TBL1X: variants seen among roughly 807,000 people sequenced by gnomAD.
The protein encoded by TBL1X is F-box-like/WD repeat-containing protein TBL1X.
In TBL1X, 10 loss-of-function variants were observed where a neutral mutation model predicts 50.7. That is an observed-to-expected ratio of 0.20 (90% confidence interval 0.12 to 0.33). The LOEUF (loss-of-function observed/expected upper bound fraction) is 0.33, where lower values mean the gene tolerates loss of function less well. Among genes scored for constraint, TBL1X ranks in the 10% least tolerant of loss-of-function variants. The pLI is 1.00. For missense variants in TBL1X, 340 were observed against 504.4 expected, an observed-to-expected ratio of 0.67 and a Z score of 3.12; for synonymous variants, 190 against 214.7, an observed-to-expected ratio of 0.88 and a Z score of 1.01.
At chrX:9,628,864 C>T (rs181927279) in intron 2 of TBL1X, among the ~76,000 whole-genome samples, 10 of 112,076 alleles carry the variant, frequency 8.9e-5, no homozygotes, top group Admixed American at 8.5e-4. Context: ...GATGTTTTTA[C>T]GAGGCGTTTT....
At chrX:9,643,494 T>C (rs1439800261) in intron 3 of TBL1X, among the ~76,000 whole-genome samples, 1 of 111,748 alleles carries the variant, frequency 8.9e-6, no homozygotes, top group Non-Finnish European at 1.9e-5. Flanking sequence ...TTTGGGTTCA[T>C]GATGCTTTTA....
chrX:9,503,786 G>C (rs2082013016), intron 2 of TBL1X, among the ~76,000 whole-genome samples: 1 of 112,681 alleles, frequency 8.9e-6, no homozygotes, highest in African/African-American at 3.2e-5. Flanking sequence ...ACAGAATTTG[G>C]ATCTCCTGGG....
At chrX:9,620,883 G>C (rs1384693858) in intron 2 of TBL1X, among the ~76,000 whole-genome samples, 1 of 112,173 alleles carries the variant, frequency 8.9e-6, no homozygotes, top group Non-Finnish European at 1.9e-5. Context: ...CAGGCAGGGA[G>C]ATAACCTCAC....
intron 2 of TBL1X, among the ~76,000 whole-genome samples, chrX:9,544,687 C>T (rs1485724260): frequency 3.6e-5 from 4 of 110,357 alleles, no homozygotes; most frequent in Admixed American, 2.9e-4. Context: ...CTCTGCCTCC[C>T]GAGTAGCTGG....
intron 2 of TBL1X, among the ~76,000 whole-genome samples, chrX:9,602,752 A>G (rs1343595424): frequency 8.9e-6 from 1 of 112,293 alleles, no homozygotes; most frequent in African/African-American, 3.2e-5. Context: ...TTGAATTTTA[A>G]CTCTTATGAG....
intron 2 of TBL1X, among the ~76,000 whole-genome samples, chrX:9,531,421 G>A (rs1415754402): frequency 9.6e-6 from 1 of 104,500 alleles, no homozygotes; most frequent in Admixed American, 1.0e-4. Flanking sequence ...GTTGGTGGTG[G>A]GGTTTTTTTG....
chrX:9,706,932 G>C (rs1361112782), intron 13 of TBL1X, among the ~76,000 whole-genome samples: 1 of 111,528 alleles, frequency 9.0e-6, no homozygotes, highest in Non-Finnish European at 1.9e-5. Flanking sequence ...TCCTCTGCAC[G>C]CCCTGGGGAG....
intron 10 of TBL1X, 49 bp from the exon 11 acceptor site, chrX:9,693,273 A>C: frequency 8.3e-7 from 1 of 1,209,521 alleles, no homozygotes. Context: ...TTAACCCTTG[A>C]GTGAACAGAC....
In TBL1X at chrX:9,663,294, A is replaced by G. The variant is rs144877351; in HGVS notation, c.211+8972A>G. Among the ~76,000 whole-genome samples the G allele has an allele frequency of 5.6e-3, 624 of 112,041 alleles. 1 individual carries two copies. Among genetic ancestry groups the G allele is most frequent in the Non-Finnish European group, 8.7e-3 (465 of 53,253 alleles). Reference sequence around the variant, plus strand: ...AAACAGTGGCTTATTTATAATAGCAATATTCTGGACATATGGCCAGTGTCC... The same window carrying G: ...AAACAGTGGCTTATTTATAATAGCAGTATTCTGGACATATGGCCAGTGTCC... On this transcript the variant is annotated intron_variant, in intron 5 of 17. Coordinates refer to ENST00000645353, the MANE Select transcript of TBL1X (RefSeq NM_005647.4).
intron 2 of TBL1X, among the ~76,000 whole-genome samples, chrX:9,541,254 G>A (rs1315830896): frequency 9.0e-6 from 1 of 110,884 alleles, no homozygotes; most frequent in Non-Finnish European, 1.9e-5. Context: ...GGGAAAGCCA[G>A]TATGTTGGGC....
intron 2 of TBL1X, among the ~76,000 whole-genome samples, chrX:9,544,648 C>A (rs1005482725): frequency 2.7e-5 from 3 of 111,654 alleles, no homozygotes; most frequent in Non-Finnish European, 3.8e-5. Context: ...CTGCAACCTA[C>A]GCCTCCCGAG....
chrX:9,541,868 C>T (rs1262784725), intron 2 of TBL1X, among the ~76,000 whole-genome samples: 2 of 111,122 alleles, frequency 1.8e-5, no homozygotes, highest in Non-Finnish European at 3.8e-5. Context: ...TGACAACGAT[C>T]ACAAACTTCA....
chrX:9,703,595 G>A (rs1335648664), intron 12 of TBL1X, among the ~76,000 whole-genome samples: 1 of 111,775 alleles, frequency 8.9e-6, no homozygotes, highest in Non-Finnish European at 1.9e-5. Flanking sequence ...TCTGCTAGAG[G>A]ACAGGAGTGA....
intron 2 of TBL1X, among the ~76,000 whole-genome samples, chrX:9,583,000 A>C (rs962354597): frequency 1.8e-5 from 2 of 112,612 alleles, no homozygotes; most frequent in African/African-American, 3.2e-5. Context: ...TTGTATCCCT[A>C]ATATAGAAGG....
At chrX:9,516,274 G>A (rs2082080437) in intron 2 of TBL1X, among the ~76,000 whole-genome samples, 1 of 111,752 alleles carries the variant, frequency 8.9e-6, no homozygotes, top group Admixed American at 9.5e-5. Context: ...CATCTCTTTT[G>A]TATTTTTCTC....
intron 1 of TBL1X, among the ~76,000 whole-genome samples, chrX:9,488,760 C>T (rs1455958256): frequency 9.0e-6 from 1 of 110,808 alleles, no homozygotes; most frequent in Non-Finnish European, 1.9e-5. Flanking sequence ...GCTTATGTAA[C>T]GTTTGTGTTT....
rs913113403 is a variant in TBL1X, at chrX:9,570,620, G to T, written c.-131+68771G>T. On this transcript the variant is annotated intron_variant, in intron 2 of 17. Transcript: ENST00000645353. ...TCTTATCCCAAATCAAAGAATGTTGGTTTTTTTAGTGTTTCCTTTATAAAC... is the reference window on the plus strand; with the variant it reads ...TCTTATCCCAAATCAAAGAATGTTGTTTTTTTTAGTGTTTCCTTTATAAAC... Among the ~76,000 whole-genome samples, 7 of 106,909 alleles carry T rather than the reference G, an allele frequency of 6.5e-5. No homozygotes were observed. The East Asian group carries it at 1.8e-3, about 27-fold the overall frequency. 92.8% of individuals were successfully genotyped at this position (106,909 alleles called of 115,157 possible).
chrX:9,652,896 G>A (rs756497611), intron 3 of TBL1X, among the ~76,000 whole-genome samples: 2 of 111,377 alleles, frequency 1.8e-5, no homozygotes, highest in Admixed American at 1.9e-4. Context: ...GCCAGGTGTG[G>A]TGGCTCACGC....
At chrX:9,532,655 G>A (rs1391985275) in intron 2 of TBL1X, among the ~76,000 whole-genome samples, 2 of 111,162 alleles carry the variant, frequency 1.8e-5, no homozygotes, top group Non-Finnish European at 3.8e-5. Flanking sequence ...GTCCCAGATC[G>A]AGGGGTCAGC....
Sources: allele counts gnomAD v4.1 joint callset (sites outside exome capture counted in the v4.1 genomes callset), GRCh38; gene constraint gnomAD v4.1.1; transcripts MANE v1.5; gene names NCBI Gene and HGNC (gene_info 2026-07-23, HGNC 2026-07-21).